Variants in WDR27 observed in about 807,000 individuals in gnomAD.
The protein encoded by WDR27 is WD repeat domain 27, also known as WD repeat-containing protein 27.
A neutral mutation model predicts 114.4 loss-of-function variants in WDR27; 100 were observed. That is an observed-to-expected ratio of 0.87 (90% CI 0.74 to 1.03). WDR27 has a LOEUF of 1.03. Ranked by LOEUF, WDR27 falls within the 50% of genes least tolerant of loss-of-function variation. The pLI, the probability that WDR27 is intolerant of heterozygous loss-of-function variation, is 0.00. For missense variants in WDR27, 1,129 were observed against 1,092.9 expected, an observed-to-expected ratio of 1.03 and a Z score of -0.47; for synonymous variants, 449 against 423.1, an observed-to-expected ratio of 1.06 and a Z score of -0.75.
At chr6:169,535,250 A>T (rs185471245) in intron 25 of WDR27, among the ~76,000 whole-genome samples, 25 of 152,298 alleles carry the variant, frequency 1.6e-4, no homozygotes, top group Admixed American at 1.3e-3. Flanking sequence ...CTACATTTAG[A>T]TCACCTAAGA....
intron 13 of WDR27, chr6:169,658,002 C>T: frequency 3.1e-6 from 1 of 322,100 alleles, no homozygotes; most frequent in South Asian, 4.9e-5. Context: ...TGCACCCCCA[C>T]TGCAACAGGC....
Position 169,512,978 on chromosome 6 carries a change from C to T in WDR27, c.2646-55344G>A, listed in dbSNP as rs545542037. Among the ~76,000 whole-genome samples the T allele has an allele frequency of 1.5e-3, 235 of 152,266 alleles. 1 individual carries two copies. Among genetic ancestry groups the T allele is most frequent in the Admixed American group, 5.0e-3 (77 of 15,286 alleles). On this transcript the variant is annotated intron_variant, in intron 25 of 25. Transcript: ENST00000448612. ...CACTGCTTAAGAAAATATACTTTCA[C>T]GAAATAAAGAATACATTAAAAAATT...
At chr6:169,652,056 T>C (rs750452019) in intron 13 of WDR27, 48 bp from the exon 14 acceptor site, 16 of 1,542,530 alleles carry the variant, frequency 1.0e-5, no homozygotes, top group Non-Finnish European at 1.3e-5. Context: ...AAAATTAGCA[T>C]CTCATGATGG....
At chr6:169,455,122 T>G (rs939593980), downstream of WDR27, among the ~76,000 whole-genome samples, 1 of 152,212 alleles carries the variant, frequency 6.6e-6, no homozygotes, top group Non-Finnish European at 1.5e-5. Context: ...GAGGTGCAGC[T>G]GGAAAGCCTG....
chr6:169,657,769 A>G (rs1824654934), intron 13 of WDR27: 1 of 154,876 alleles, frequency 6.5e-6, no homozygotes, highest in Non-Finnish European at 1.4e-5. Flanking sequence ...TTGTCAAGGC[A>G]ATCAAGAATA....
At chr6:169,635,722 A>G (rs1817526107) in intron 19 of WDR27, among the ~76,000 whole-genome samples, 1 of 152,232 alleles carries the variant, frequency 6.6e-6, no homozygotes, top group Admixed American at 6.5e-5. Flanking sequence ...TGCCCCAATT[A>G]ACAAACTGAA....
chr6:169,600,773 A>G (rs1370801584), intron 23 of WDR27, among the ~76,000 whole-genome samples: 3 of 152,334 alleles, frequency 2.0e-5, no homozygotes, highest in South Asian at 2.1e-4. Context: ...AAAAAAGAAT[A>G]AAAAGAAACA....
At chr6:169,636,033 A>G (rs566760623) in intron 19 of WDR27, among the ~76,000 whole-genome samples, 1 of 152,336 alleles carries the variant, frequency 6.6e-6, no homozygotes, top group South Asian at 2.1e-4. Context: ...ATATATATGT[A>G]TATATTTGAA....
intron 24 of WDR27, among the ~76,000 whole-genome samples, chr6:169,577,206 G>A (rs932701912): frequency 6.6e-6 from 1 of 152,194 alleles, no homozygotes; most frequent in Non-Finnish European, 1.5e-5. Flanking sequence ...GTGATTTTCT[G>A]CCGGGTGGGT....
rs1168317585 is a variant in WDR27 at position 169,649,244 on chromosome 6, T to A, written c.1513A>T (p.Lys505Ter). The change falls in exon 15 of 26, where the codon AAG (lysine) becomes TAG (stop). Residue 505 changes from lysine to a stop codon, truncating the protein, a stop_gained. Transcript: ENST00000448612. LOFTEE classifies it high-confidence loss of function. ...VTMFSPKTNI[K>*]SEGKGSSRSR... ...CTTGAAGATCCTTTCCCCTCACTCT[T>A]GATGTTGGTCTTTGGTGAAAACATA... 6.3e-7 allele frequency: 1 copy of A among 1,578,192 alleles called. No individual in the cohort carries two copies. The highest frequency in any genetic ancestry group is 8.6e-7 in the Non-Finnish European group (1 of 1,161,198).
chr6:169,498,528 A>C (rs978911217), intron 25 of WDR27, among the ~76,000 whole-genome samples: 1 of 152,238 alleles, frequency 6.6e-6, no homozygotes, highest in African/African-American at 2.4e-5. Context: ...AATTTTAGAA[A>C]GCAAAATAGG....
chr6:169,637,740 G>A (rs1234452100), intron 18 of WDR27, among the ~76,000 whole-genome samples: 2 of 151,706 alleles, frequency 1.3e-5, no homozygotes, highest in Non-Finnish European at 2.9e-5. Flanking sequence ...GTGTGAATAC[G>A]TGGTAAGTAT....
intron 25 of WDR27, among the ~76,000 whole-genome samples, chr6:169,565,055 C>T (rs1318864766): frequency 6.6e-6 from 1 of 152,086 alleles, no homozygotes; most frequent in African/African-American, 2.4e-5. Context: ...CCGAGCTGAG[C>T]CCAGTCTAGC....
chr6:169,457,811 A>C (rs1784445003), intron 25 of WDR27, among the ~76,000 whole-genome samples, 177 bp from the exon 26 acceptor site: 1 of 152,242 alleles, frequency 6.6e-6, no homozygotes, highest in Non-Finnish European at 1.5e-5. Context: ...CTGATGATTA[A>C]TTAATTCAAA....
At chr6:169,644,630 G>T (rs76228059) in intron 16 of WDR27, among the ~76,000 whole-genome samples, 17 of 134,084 alleles carry the variant, frequency 1.3e-4, no homozygotes, top group African/African-American at 3.9e-4. Flanking sequence ...CTGTCGAAAA[G>T]CCTAGTTCAC....
At chr6:169,630,603 T>G (rs1816081496) in intron 21 of WDR27, among the ~76,000 whole-genome samples, 1 of 152,148 alleles carries the variant, frequency 6.6e-6, no homozygotes, top group African/African-American at 2.4e-5. Context: ...ACCTAAAAAA[T>G]AAGACAGGTT....
intron 25 of WDR27, among the ~76,000 whole-genome samples, chr6:169,493,792 T>C (rs1790072157): frequency 6.6e-6 from 1 of 152,192 alleles, no homozygotes; most frequent in African/African-American, 2.4e-5. Context: ...TCAGGTAGTA[T>C]ATGTAATATA....
chr6:169,431,167 T>C, the WDR27 span, among the ~76,000 whole-genome samples: 2 of 152,334 alleles, frequency 1.3e-5, no homozygotes, highest in East Asian at 3.9e-4. Context: ...AATTTGTTTT[T>C]CAAGATAATA....
At chr6:169,641,325 G>A (rs1227869399) in intron 17 of WDR27, among the ~76,000 whole-genome samples, 1 of 148,844 alleles carries the variant, frequency 6.7e-6, no homozygotes, top group African/African-American at 2.5e-5. Context: ...CCGGGCCCTC[G>A]GGAGCCAATC....
Sources: allele counts gnomAD v4.1 joint callset (sites outside exome capture counted in the v4.1 genomes callset), GRCh38; gene constraint gnomAD v4.1.1; transcripts MANE v1.5; gene names NCBI Gene and HGNC (gene_info 2026-07-23, HGNC 2026-07-21).